The following KLHL1 variants were observed in gnomAD, a reference collection of about 807,000 sequenced individuals.
The protein encoded by KLHL1 is kelch like family member 1.
KLHL1 carries 47 observed loss-of-function variants against 77.7 expected under a neutral mutation model. The ratio of observed to expected loss-of-function variants is 0.60; its 90% confidence interval spans 0.48 to 0.77. KLHL1 has a LOEUF of 0.77. Among genes scored for constraint, KLHL1 ranks in the 30% least tolerant of loss-of-function variants. KLHL1 has a pLI of 0.00. For synonymous variants in KLHL1, 360 were observed against 325.2 expected (o/e 1.11, Z -1.15); for missense variants, 925 against 910.8 (o/e 1.02, Z -0.20).
At chr13:69,719,260 G>A (rs1872925322) in intron 9 of KLHL1, 109 bp downstream of exon 9, 1 of 782,214 alleles carries the variant, frequency 1.3e-6, no homozygotes, top group Admixed American at 2.1e-5. Context: ...GTATCTCTAG[G>A]TGTTGAATTT....
intron 7 of KLHL1, among the ~76,000 whole-genome samples, chr13:69,749,952 T>G (rs1874401538): frequency 6.6e-6 from 1 of 151,962 alleles, no homozygotes; most frequent in Non-Finnish European, 1.5e-5. Flanking sequence ...AATGAAAAGC[T>G]AATTTTTAGT....
At chr13:69,994,265 T>C (rs1885094533) in intron 1 of KLHL1, among the ~76,000 whole-genome samples, 1 of 152,064 alleles carries the variant, frequency 6.6e-6, no homozygotes, top group African/African-American at 2.4e-5. Flanking sequence ...CCTGGTTGGG[T>C]AGGAGTGGAG....
chr13:69,796,550 T>C (rs1267508486), intron 7 of KLHL1, among the ~76,000 whole-genome samples, 188 bp downstream of exon 7: 1 of 152,180 alleles, frequency 6.6e-6, no homozygotes, highest in Non-Finnish European at 1.5e-5. Flanking sequence ...AAACTTTCAC[T>C]AAAGGCCTAA....
intron 4 of KLHL1, among the ~76,000 whole-genome samples, chr13:69,889,235 A>T (rs1313683765): frequency 1.3e-5 from 2 of 151,942 alleles, no homozygotes; most frequent in African/African-American, 4.8e-5. Flanking sequence ...TGGGCTTTTG[A>T]TTATTTGCCT....
At chr13:69,861,746 G>T (rs73508421) in intron 5 of KLHL1, among the ~76,000 whole-genome samples, 1 of 138,630 alleles carries the variant, frequency 7.2e-6, no homozygotes, top group Admixed American at 7.8e-5. Flanking sequence ...TCGGGAGTTC[G>T]AGATCAGCCT....
intron 5 of KLHL1, among the ~76,000 whole-genome samples, chr13:69,871,478 G>T (rs1880584585): frequency 6.6e-6 from 1 of 152,124 alleles, no homozygotes; most frequent in Admixed American, 6.5e-5. Context: ...TTCTGAAACT[G>T]TTTTTTCCTT....
chr13:69,799,764 C>G (rs1298053783), intron 6 of KLHL1, among the ~76,000 whole-genome samples: 1 of 152,140 alleles, frequency 6.6e-6, no homozygotes, highest in East Asian at 1.9e-4. Context: ...AGTTCTCTTG[C>G]CTTTTCTATC....
intron 7 of KLHL1, among the ~76,000 whole-genome samples, chr13:69,743,944 A>G (rs924644516): frequency 1.3e-5 from 2 of 152,112 alleles, no homozygotes; most frequent in African/African-American, 4.8e-5. Flanking sequence ...TGAGAACTCT[A>G]TTTTGGATAT....
At chr13:69,709,061 G>C (rs1379097287) in intron 9 of KLHL1, among the ~76,000 whole-genome samples, 3 of 151,980 alleles carry the variant, frequency 2.0e-5, no homozygotes, top group Non-Finnish European at 4.4e-5. Flanking sequence ...ACTGTGGTTG[G>C]GGGGTTTGTG....
intron 9 of KLHL1, among the ~76,000 whole-genome samples, 194 bp downstream of exon 9, chr13:69,719,175 A>G (rs1156336283): frequency 6.8e-6 from 1 of 146,740 alleles, no homozygotes; most frequent in Non-Finnish European, 1.5e-5. Context: ...AGAAAATAAA[A>G]GAAAGTACGT....
At chr13:69,772,077 G>A (rs1018015030) in intron 7 of KLHL1, among the ~76,000 whole-genome samples, 21 of 152,108 alleles carry the variant, frequency 1.4e-4, no homozygotes, top group Middle Eastern at 3.4e-3. Context: ...TTTGCCTCCC[G>A]AGTAGCTGGG....
At chr13:69,910,510 A>G (rs1050119660) in intron 4 of KLHL1, among the ~76,000 whole-genome samples, 1 of 152,084 alleles carries the variant, frequency 6.6e-6, no homozygotes, top group Non-Finnish European at 1.5e-5. Context: ...AGAAACCACT[A>G]CTATGTTTCG....
At chr13:70,014,232 A>T (rs1885603334) in intron 1 of KLHL1, among the ~76,000 whole-genome samples, 1 of 152,106 alleles carries the variant, frequency 6.6e-6, no homozygotes, top group South Asian at 2.1e-4. Context: ...TGAATTTGTT[A>T]TTTCTAGTGC....
At chr13:69,873,203 A>C (rs1004132403) in intron 5 of KLHL1, among the ~76,000 whole-genome samples, 37 of 152,290 alleles carry the variant, frequency 2.4e-4, no homozygotes, top group African/African-American at 8.7e-4. Context: ...CAAAAGTAGG[A>C]TCCAAATAAA....
chr13:69,911,165 T>G (rs1464092119), intron 4 of KLHL1, among the ~76,000 whole-genome samples: 1 of 152,108 alleles, frequency 6.6e-6, no homozygotes, highest in East Asian at 1.9e-4. Context: ...TTTTTCATTT[T>G]CCATTCCAAA....
At chr13:69,964,480 T>C (rs9542133) in intron 2 of KLHL1, among the ~76,000 whole-genome samples, 4 of 151,820 alleles carry the variant, frequency 2.6e-5, no homozygotes, top group African/African-American at 9.7e-5. Flanking sequence ...ACTTAATATT[T>C]ACTCAGCATA....
intron 5 of KLHL1, among the ~76,000 whole-genome samples, chr13:69,861,583 C>G (rs1319973331): frequency 1.3e-5 from 2 of 151,624 alleles, no homozygotes; most frequent in African/African-American, 2.4e-5. Flanking sequence ...CACATATATG[C>G]AATGTTTTAC....
chr13:69,828,377 C>G (rs1185741012), intron 6 of KLHL1, among the ~76,000 whole-genome samples: 1 of 150,188 alleles, frequency 6.7e-6, no homozygotes, highest in East Asian at 1.9e-4. Context: ...AGGATGAGCC[C>G]TGTAGGCACT....
At chr13:69,844,275 T>C (rs994975021) in intron 5 of KLHL1, among the ~76,000 whole-genome samples, 1 of 151,506 alleles carries the variant, frequency 6.6e-6, no homozygotes, top group African/African-American at 2.4e-5. Flanking sequence ...TAAAATAAAA[T>C]GAAAATAAAA....
Sources: allele counts gnomAD v4.1 joint callset (sites outside exome capture counted in the v4.1 genomes callset), GRCh38; gene constraint gnomAD v4.1.1; transcripts MANE v1.5; gene names NCBI Gene and HGNC (gene_info 2026-07-23, HGNC 2026-07-21).